DPYSL2: variants seen among roughly 807,000 people sequenced by gnomAD.
DPYSL2 encodes the protein dihydropyrimidinase like 2.
In DPYSL2, 13 loss-of-function variants were observed where a neutral mutation model predicts 69.9. The ratio of observed to expected loss-of-function variants is 0.19; its 90% CI spans 0.12 to 0.30. The LOEUF is 0.30. Among genes scored for constraint, DPYSL2 ranks in the 10% least tolerant of loss-of-function variants. The pLI, the probability that DPYSL2 is intolerant of heterozygous loss-of-function variation, is 1.00. For synonymous variants in DPYSL2, 326 were observed against 359.1 expected, an observed-to-expected ratio of 0.91 and a Z score of 1.04; for missense variants, 587 against 918.9, an observed-to-expected ratio of 0.64 and a Z score of 4.67.
At position 26,604,457 on chromosome 8, in the gene DPYSL2, C is replaced by A. The variant is rs185559242; in HGVS notation, c.629-19686C>A. On this transcript the variant is annotated intron_variant, in intron 3 of 13. Coordinates refer to ENST00000521913, the MANE Select transcript of DPYSL2 (RefSeq NM_001197293.3). ...GGCTTCCTGGAGGAGGGGGTAGTGG[C>A]CCCAGCTGGGGAAAGAGGAGGTAAA... Among the ~76,000 whole-genome samples the A allele has an allele frequency of 1.7e-3, 263 of 152,246 alleles. 1 individual carries two copies. Among genetic ancestry groups the A allele is most frequent in the African/African-American group, 5.6e-3 (234 of 41,554 alleles).
chr8:26,549,159 A>G (rs1450683023), intron 1 of DPYSL2, among the ~76,000 whole-genome samples: 1 of 151,998 alleles, frequency 6.6e-6, no homozygotes, highest in African/African-American at 2.4e-5. Flanking sequence ...ACTGCACTCC[A>G]GCCCAGGTGA....
At position 26,597,623 on chromosome 8, in the gene DPYSL2, C is replaced by T. The variant is rs1358307201; in HGVS notation, c.628+13640C>T. On this transcript the variant is annotated intron_variant, in intron 3 of 13. Coordinates refer to ENST00000521913, the MANE Select transcript of DPYSL2 (RefSeq NM_001197293.3). The surrounding 1 kb of genome is among the most constrained non-coding windows in gnomAD (Gnocchi z 5.2). ...CCAAGTAGCTGGGACTACAGGCGCC[C>T]GCCACCACGCCCAACTAATATTTTG... Among the ~76,000 whole-genome samples, 15 of 151,940 alleles carry T rather than the reference C, an allele frequency of 9.9e-5. No individual in the cohort carries two copies. The highest frequency in any genetic ancestry group is 2.6e-4 in the Admixed American group (4 of 15,254).
At chr8:26,575,752 C>T (rs991425768) in intron 1 of DPYSL2, among the ~76,000 whole-genome samples, 1 of 152,118 alleles carries the variant, frequency 6.6e-6, no homozygotes, top group Non-Finnish European at 1.5e-5. Flanking sequence ...GCTCAAACAA[C>T]AGGGACGGGG....
chr8:26,539,235 A>G (rs1585496421), intron 1 of DPYSL2, among the ~76,000 whole-genome samples: 1 of 152,346 alleles, frequency 6.6e-6, no homozygotes, highest in Non-Finnish European at 1.5e-5. Context: ...ATCTGAACTA[A>G]TTTAGCTTAT....
intron 1 of DPYSL2, chr8:26,548,606 T>C (rs1800821078): frequency 6.6e-6 from 1 of 152,212 alleles, no homozygotes; most frequent in South Asian, 2.1e-4. Flanking sequence ...ATTCAGGCCA[T>C]GTGTGGTGGC....
Position 26,627,469 on chromosome 8 carries a change from G to A in DPYSL2, c.936+174G>A, listed in dbSNP as rs574891929. Among the ~76,000 whole-genome samples the A allele has an allele frequency of 3.3e-5, 5 of 152,294 alleles. No homozygotes were observed. Among genetic ancestry groups the A allele is most frequent in the East Asian group, 3.9e-4 (2 of 5,172 alleles). On this transcript the variant is annotated intron_variant, in intron 6 of 13. Coordinates refer to ENST00000521913, the MANE Select transcript of DPYSL2 (RefSeq NM_001197293.3). The surrounding 1 kb of genome is among the most constrained non-coding windows in gnomAD (Gnocchi z 6.9). ...CATGGCATGAATGCCAGTGACACACGTGCCTCTCCGTGTGTGCCACAGAAC... is the reference window on the plus strand; with the variant it reads ...CATGGCATGAATGCCAGTGACACACATGCCTCTCCGTGTGTGCCACAGAAC...
At chr8:26,548,195 A>G (rs1259631724) in intron 1 of DPYSL2, 4 of 242,324 alleles carry the variant, frequency 1.7e-5, no homozygotes, top group Non-Finnish European at 3.4e-5. Flanking sequence ...TTCTCAGAAC[A>G]TGGAGATGCT....
intron 7 of DPYSL2, among the ~76,000 whole-genome samples, chr8:26,631,258 C>T (rs1057152905): frequency 5.9e-5 from 9 of 152,208 alleles, no homozygotes; most frequent in African/African-American, 2.2e-4. Context: ...AATTGACTTA[C>T]AGTTCTGCAT....
In DPYSL2 at chr8:26,641,674, G is replaced by C. The variant is rs1196536972; in HGVS notation, c.1127-1765G>C. On this transcript the variant is annotated intron_variant, in intron 8 of 13. Transcript: ENST00000521913. This position sits in a 1 kb window ranked among gnomAD's most constrained non-coding sequence, Gnocchi z 4.1. ...GCCAGGAGCCAAGGGGACCCTCCTA[G>C]GCCTTCCGAGCACCTAGCACTGGCC... Among the ~76,000 whole-genome samples, 1 of 152,210 alleles carries C rather than the reference G, an allele frequency of 6.6e-6. No homozygotes were observed. Among genetic ancestry groups the C allele is most frequent in the Non-Finnish European group, 1.5e-5 (1 of 68,022 alleles).
In DPYSL2 at chr8:26,627,750, G is replaced by A. The variant is rs927310022; in HGVS notation, c.937-122G>A. On this transcript the variant is annotated intron_variant, in intron 6 of 13. Transcript: ENST00000521913. The surrounding 1 kb of genome is among the most constrained non-coding windows in gnomAD (Gnocchi z 6.9). ...CTCTTCATGAGGTCTTGGGATGAGG[G>A]CAGAACGATCGGCAGTGGTAATTTT... is the stretch of plus-strand genomic sequence containing the variant. 88 of 955,808 alleles carry A rather than the reference G, an allele frequency of 9.2e-5. No individual in the cohort carries two copies. In the African/African-American group the frequency reaches 1.2e-3, roughly 13 times the overall value. 59.2% of individuals were successfully genotyped at this position (955,808 alleles called of 1,614,324 possible). A position where few individuals can be genotyped will look rare whatever the true frequency, so the allele number is the denominator to read the frequency against.
rs374558072 is a variant in DPYSL2, at chr8:26,624,347, G to A, written c.793+40G>A. 161 of 1,600,946 alleles carry A rather than the reference G, an allele frequency of 1.0e-4. No homozygotes were observed. The highest frequency in any genetic ancestry group is 4.2e-4 in the South Asian group (38 of 89,722). ...GTCAATGCCCTCTGCAGATGTTTCCGCTTCAGTCCATCAACTGGCACAGCC... is the reference window on the plus strand; with the variant it reads ...GTCAATGCCCTCTGCAGATGTTTCCACTTCAGTCCATCAACTGGCACAGCC... On this transcript the variant is annotated intron_variant, in intron 4 of 13. Transcript: ENST00000521913. This position sits in a 1 kb window ranked among gnomAD's most constrained non-coding sequence, Gnocchi z 4.7.
intron 1 of DPYSL2, among the ~76,000 whole-genome samples, chr8:26,566,086 G>A (rs551881133): frequency 4.7e-4 from 72 of 152,220 alleles, no homozygotes; most frequent in Non-Finnish European, 8.1e-4. Flanking sequence ...GACATGGAAG[G>A]ACCCAGCTGA....
chr8:26,626,912 G>T lies in DPYSL2; in HGVS notation c.855+234G>T, dbSNP rs1201116403. On this transcript the variant is annotated intron_variant, in intron 5 of 13. Transcript: ENST00000521913. This position sits in a 1 kb window ranked among gnomAD's most constrained non-coding sequence, Gnocchi z 4.3. The stretch of plus-strand genomic sequence containing the variant: ...TGAGGCTCTGCCCCGCACGGCGTGT[G>T]TGGGAGCGGCACTCAGAACCTCCTT... Among the ~76,000 whole-genome samples, 1 of 152,208 alleles carries T rather than the reference G, an allele frequency of 6.6e-6. No individual in the cohort carries two copies. The highest frequency in any genetic ancestry group is 2.4e-5 in the African/African-American group (1 of 41,458).
rs1585568138 is a variant in DPYSL2, at chr8:26,641,827, C to T, written c.1127-1612C>T. Among the ~76,000 whole-genome samples the T allele has an allele frequency of 6.6e-6, 1 of 152,210 alleles. No homozygotes were observed. Among genetic ancestry groups the T allele is most frequent in the South Asian group, 2.1e-4 (1 of 4,828 alleles). ...TGCCTGCTGTGGCCTCCAGCACTCCCCAGCTGAACAGCGAGTCCTTTGTGA... is the reference window on the plus strand; with the variant it reads ...TGCCTGCTGTGGCCTCCAGCACTCCTCAGCTGAACAGCGAGTCCTTTGTGA... On this transcript the variant is annotated intron_variant, in intron 8 of 13. Coordinates refer to ENST00000521913, the MANE Select transcript of DPYSL2 (RefSeq NM_001197293.3). The surrounding 1 kb of genome is among the most constrained non-coding windows in gnomAD (Gnocchi z 4.1).
chr8:26,566,628 A>AAGAAAGAG (rs1275421233), intron 1 of DPYSL2, among the ~76,000 whole-genome samples: 1 of 152,144 alleles, frequency 6.6e-6, no homozygotes, highest in Non-Finnish European at 1.5e-5. Context: ...AGATGATGAG[A>AAGAAAGAG]AGAAAGAGAA....
In DPYSL2 at chr8:26,632,230, G is replaced by GAGCCT. The variant is rs1451580299; in HGVS notation, c.1006-2549_1006-2545dup. 4.6e-5 allele frequency among the ~76,000 whole-genome samples: 7 copies of GAGCCT among 152,202 alleles called. No homozygotes were observed. In the East Asian group the frequency reaches 1.3e-3, roughly 29 times the overall value. On this transcript the variant is annotated intron_variant, in intron 7 of 13. Coordinates refer to ENST00000521913, the MANE Select transcript of DPYSL2 (RefSeq NM_001197293.3). The stretch of plus-strand genomic sequence containing the variant: ...TCTGTGGCTGAGAGGAGTGGCGACT[G>GAGCCT]AGCCTGCGTGACAATCCGGGCAGTG...
At chr8:26,573,053 G>C (rs1801266016) in intron 1 of DPYSL2, among the ~76,000 whole-genome samples, 1 of 152,236 alleles carries the variant, frequency 6.6e-6, no homozygotes, top group Admixed American at 6.5e-5. Context: ...ATTGGGTGCT[G>C]TCTCCGTGTT....
chr8:26,579,370 C>T (rs1801433557), intron 1 of DPYSL2, among the ~76,000 whole-genome samples: 1 of 152,254 alleles, frequency 6.6e-6, no homozygotes, highest in Admixed American at 6.5e-5. Context: ...TTCTTTCCAT[C>T]CCCAGTGAAA....
chr8:26,521,027 C>T (rs10091096), intron 1 of DPYSL2, among the ~76,000 whole-genome samples: 128,955 of 152,060 alleles, frequency 0.85, 55,739 homozygotes, highest in East Asian at 0.99. Flanking sequence ...GATTTCAACA[C>T]AGGAATTTTG....
Sources: allele counts gnomAD v4.1 joint callset (sites outside exome capture counted in the v4.1 genomes callset), GRCh38; gene constraint gnomAD v4.1.1; non-coding constraint Gnocchi (gnomAD v3.1); transcripts MANE v1.5; gene names NCBI Gene and HGNC (gene_info 2026-07-23, HGNC 2026-07-21).